TAB2: variants seen among roughly 807,000 people sequenced by gnomAD.
TAB2 encodes the protein TGF-beta activated kinase 1 (MAP3K7) binding protein 2.
Under a neutral mutation model 65.0 loss-of-function variants are expected in TAB2, and 3 were observed. The observed-to-expected ratio is 0.05, with a 90% CI of 0.02 to 0.12. The LOEUF (loss-of-function observed/expected upper bound fraction) is 0.12, where lower values mean the gene tolerates loss of function less well. Among genes scored for constraint, TAB2 ranks in the 10% least tolerant of loss-of-function variants. The pLI, the probability that TAB2 is intolerant of heterozygous loss-of-function variation, is 1.00. For synonymous variants in TAB2, 298 were observed against 285.1 expected, an observed-to-expected ratio of 1.05 and a Z score of -0.46; for missense variants, 623 against 840.3, an observed-to-expected ratio of 0.74 and a Z score of 3.20.
intron 1 of TAB2, among the ~76,000 whole-genome samples, chr6:149,254,070 G>GAAGA (rs1777943911): frequency 1.2e-5 from 1 of 83,772 alleles, no homozygotes; most frequent in African/African-American, 5.3e-5. Flanking sequence ...AGGAAGGAAG[G>GAAGA]AAGGAAGGAA....
Position 149,276,941 on chromosome 6 carries a change from T to C in TAB2, c.-121+58165T>C, listed in dbSNP as rs139321174. Among the ~76,000 whole-genome samples the C allele has an allele frequency of 6.6e-3, 1,006 of 152,322 alleles. 13 individuals are homozygous for C. Among genetic ancestry groups the C allele is most frequent in the African/African-American group, 0.023 (972 of 41,564 alleles). On this transcript the variant is annotated intron_variant, in intron 1 of 1. Transcript: ENST00000606202. ...GACCCAGTTGGAGATAATTGAATCA[T>C]GGGGGTGGTTTCCCCCATACTGTTC...
chr6:149,303,629 C>T (rs977681266), intron 1 of TAB2, among the ~76,000 whole-genome samples: 2 of 152,148 alleles, frequency 1.3e-5, no homozygotes, highest in African/African-American at 4.8e-5. Flanking sequence ...TAAAGTTCTA[C>T]AATAAATATG....
intron 1 of TAB2, among the ~76,000 whole-genome samples, chr6:149,358,641 T>TGTGTGTGTGTGTGTGTGTGTGTGTGTGC (rs1491585053): frequency 4.8e-4 from 7 of 14,602 alleles, no homozygotes; most frequent in Non-Finnish European, 7.4e-4. Flanking sequence ...TTCAGAACTC[T>TGTGTGTGTGTGTGTGTGTGTGTGTGTGC]GTGTGTGTGT....
At chr6:149,405,129 A>G (rs2114968341) in intron 6 of TAB2, among the ~76,000 whole-genome samples, 1 of 152,372 alleles carries the variant, frequency 6.6e-6, no homozygotes. Context: ...TTCTCAAAAG[A>G]AAGTATACAG....
intron 1 of TAB2, among the ~76,000 whole-genome samples, chr6:149,326,490 T>C (rs1243010058): frequency 6.6e-6 from 1 of 152,088 alleles, no homozygotes; most frequent in Non-Finnish European, 1.5e-5. Flanking sequence ...AATGACATGT[T>C]ATCATGGCAG....
At chr6:149,236,100 G>C (rs1777489333) in intron 1 of TAB2, among the ~76,000 whole-genome samples, 1 of 152,204 alleles carries the variant, frequency 6.6e-6, no homozygotes, top group African/African-American at 2.4e-5. Flanking sequence ...GGGTGAGAGG[G>C]AGGTGAGGGT....
At chr6:149,312,224 C>T (rs1779177634) in intron 1 of TAB2, among the ~76,000 whole-genome samples, 1 of 152,210 alleles carries the variant, frequency 6.6e-6, no homozygotes, top group African/African-American at 2.4e-5. Flanking sequence ...ATACATACCA[C>T]ATTTTGTGCA....
intron 1 of TAB2, among the ~76,000 whole-genome samples, chr6:149,308,141 T>G (rs543888574): frequency 2.0e-5 from 3 of 152,370 alleles, no homozygotes; most frequent in African/African-American, 7.2e-5. Flanking sequence ...GGTTGTTTTC[T>G]ATTTTTTTAC....
chr6:149,226,815 A>AAAAGC (rs1246789906), intron 1 of TAB2, among the ~76,000 whole-genome samples: 1 of 152,260 alleles, frequency 6.6e-6, no homozygotes, highest in East Asian at 1.9e-4. Flanking sequence ...CATTGCTTAG[A>AAAAGC]AAAGCAACAT....
At chr6:149,383,077 C>G (rs1781671110) in intron 3 of TAB2, among the ~76,000 whole-genome samples, 1 of 152,012 alleles carries the variant, frequency 6.6e-6, no homozygotes, top group South Asian at 2.1e-4. Context: ...ATTGCTTGAA[C>G]CTGGGAGGCA....
chr6:149,399,888 A>G (rs600739), intron 6 of TAB2, among the ~76,000 whole-genome samples: 18,618 of 152,258 alleles, frequency 0.12, 1,740 homozygotes, highest in East Asian at 0.51. Flanking sequence ...AACTGCAAGA[A>G]CACAAAAGTG....
At chr6:149,253,978 G>A (rs1417261342) in intron 1 of TAB2, among the ~76,000 whole-genome samples, 6 of 117,540 alleles carry the variant, frequency 5.1e-5, no homozygotes, top group African/African-American at 3.1e-5. Flanking sequence ...AAGAAAGAAA[G>A]AAAGAAAGAA....
intron 1 of TAB2, among the ~76,000 whole-genome samples, chr6:149,334,269 C>T (rs916467197): frequency 1.3e-5 from 2 of 152,112 alleles, no homozygotes; most frequent in Non-Finnish European, 2.9e-5. Flanking sequence ...GTGTCAGCAC[C>T]TTCTGCTGAA....
intron 1 of TAB2, among the ~76,000 whole-genome samples, chr6:149,299,433 G>C (rs879413551): frequency 6.6e-6 from 1 of 152,266 alleles, no homozygotes; most frequent in Non-Finnish European, 1.5e-5. Context: ...TTAGCCAGGC[G>C]TGGTGGTGCA....
Position 149,378,284 on chromosome 6 carries a change from G to T in TAB2, c.369G>T (p.Gln123His). Residue 123 changes from glutamine (Q) to histidine (H), a missense_variant, in exon 3 of 7, where the codon CAG becomes CAT. Gln to His is a conservative substitution (Grantham distance 24, BLOSUM62 0). Coordinates refer to ENST00000637181, the MANE Select transcript of TAB2 (RefSeq NM_001292034.3). ...GCCAGTCCAATAGTGAACTATTTCA[G>T]CAGGAGCCACAGACAGCACCAGCTC... ...QGGQSNSELF[Q>H]QEPQTAPAQV... is the part of the protein sequence containing the mutation. The T allele has an allele frequency of 6.2e-7, 1 of 1,614,192 alleles. No homozygotes were observed. Among genetic ancestry groups the T allele is most frequent in the Non-Finnish European group, 8.5e-7 (1 of 1,180,030 alleles).
chr6:149,286,991 T>C (rs4895782), intron 1 of TAB2, among the ~76,000 whole-genome samples: 30,353 of 151,816 alleles, frequency 0.2, 3,225 homozygotes, highest in East Asian at 0.42. Flanking sequence ...GTGGTAAGCA[T>C]CTGTAATCTC....
chr6:149,410,964 T>C lies in TAB2; in HGVS notation c.*1245T>C, dbSNP rs1782836959. On this transcript the variant is annotated 3_prime_UTR_variant, in exon 7 of 7. Transcript: ENST00000637181. ...ATCCTGACTTGGTGACAGTATCATG[T>C]GTATTTATAAAACAAGGCTAGCCAT... 1 of 152,552 alleles carries C rather than the reference T, an allele frequency of 6.6e-6. No homozygotes were observed. The highest frequency in any genetic ancestry group is 2.4e-5 in the African/African-American group (1 of 41,412). The allele number at this position is 152,552 out of a possible 1,614,324, so 9.4% of individuals were successfully genotyped here.
At chr6:149,318,178 C>T (rs1312054404) in intron 1 of TAB2, among the ~76,000 whole-genome samples, 163 bp downstream of exon 1, 2 of 152,082 alleles carry the variant, frequency 1.3e-5, no homozygotes, top group Non-Finnish European at 2.9e-5. Context: ...TCTTTCCTTC[C>T]CCCAGTGGCG....
rs565554569 is a variant in TAB2 at position 149,351,798 on chromosome 6, C to T, written c.-89-18111C>T. 2.0e-5 allele frequency among the ~76,000 whole-genome samples: 3 copies of T among 152,164 alleles called. No individual in the cohort carries two copies. In the South Asian group the frequency reaches 6.2e-4, roughly 32 times the overall value. On this transcript the variant is annotated intron_variant, in intron 1 of 6. Transcript: ENST00000637181. ...GTGTATCAAATACTGTTTTATATAC[C>T]TTATATCATAATTGTCTCATCTAGT...
Sources: gnomAD v4.1 joint callset for allele counts (sites outside exome capture counted in the v4.1 genomes callset) on GRCh38, gnomAD v4.1.1 for gene constraint, MANE v1.5 for transcripts, NCBI Gene and HGNC (gene_info 2026-07-23, HGNC 2026-07-21) for gene names.